Variants in FAM83G observed in about 807,000 individuals in gnomAD.
FAM83G encodes the protein protein FAM83G.
FAM83G carries 38 observed loss-of-function variants against 61.5 expected under a neutral mutation model. The ratio of observed to expected loss-of-function variants is 0.62; its 90% CI spans 0.48 to 0.81. FAM83G has a LOEUF of 0.81. Ranked by LOEUF, FAM83G falls within the 30% of genes least tolerant of loss-of-function variation. FAM83G has a pLI of 0.00. For synonymous variants in FAM83G, 470 were observed against 476.1 expected, an observed-to-expected ratio of 0.99 and a Z score of 0.17; for missense variants, 989 against 1,133.6, an observed-to-expected ratio of 0.87 and a Z score of 1.83.
In FAM83G at chr17:18,978,900, C is replaced by T. The variant is rs199927443; in HGVS notation, c.816-50G>A. ...GTCAGGCACATGACCCTGCTTCCTC[C>T]GCCCAGCCCCCGTGCACCCATAGCC... On this transcript the variant is annotated intron_variant, in intron 4 of 5. Coordinates refer to ENST00000388995, the MANE Select transcript of FAM83G (RefSeq NM_001039999.3). 5.1e-3 allele frequency: 8,176 copies of T among 1,590,806 alleles called. 30 individuals are homozygous for T. The highest frequency in any genetic ancestry group is 6.4e-3 in the Non-Finnish European group (7,418 of 1,166,442).
intron 2 of FAM83G, among the ~76,000 whole-genome samples, chr17:18,999,424 G>T (rs1485589601): frequency 1.3e-5 from 2 of 152,222 alleles, no homozygotes. Flanking sequence ...CTCAGGGCCT[G>T]CAGACTGGGG....
At chr17:18,987,397 T>C (rs79909463) in intron 3 of FAM83G, among the ~76,000 whole-genome samples, 3,648 of 152,304 alleles carry the variant, frequency 0.024, 145 homozygotes, top group African/African-American at 0.083. Context: ...GCACGGCCAA[T>C]GCAAGAGAAG....
At position 19,004,246 on chromosome 17, in the gene FAM83G, G is replaced by C; in HGVS notation, c.-128-77C>G. On this transcript the variant is annotated intron_variant, in intron 1 of 5. Transcript: ENST00000388995. The surrounding 1 kb of genome is among the most constrained non-coding windows in gnomAD (Gnocchi z 5.4). ...GGGAGGGGCGGCGGGGGCGGGGCCG[G>C]GAACTCAGGTGGGCGTGGGAAGGAC... is the stretch of plus-strand genomic sequence containing the variant. 1 of 540,152 alleles carries C rather than the reference G, an allele frequency of 1.9e-6. No individual in the cohort carries two copies. Among genetic ancestry groups the C allele is most frequent in the Middle Eastern group, 4.8e-4 (1 of 2,066 alleles). 33.5% of individuals were successfully genotyped at this position (540,152 alleles called of 1,614,324 possible). A position where few individuals can be genotyped will look rare whatever the true frequency, so the allele number is the denominator to read the frequency against.
chr17:18,995,411 G>GT (rs1176105935), intron 2 of FAM83G, among the ~76,000 whole-genome samples: 1 of 152,202 alleles, frequency 6.6e-6, no homozygotes, highest in East Asian at 1.9e-4. Flanking sequence ...TTGAAGACAT[G>GT]TAAGTAGAAA....
chr17:18,994,073 T>C (rs1472401582), intron 2 of FAM83G, among the ~76,000 whole-genome samples: 1 of 152,190 alleles, frequency 6.6e-6, no homozygotes, highest in Non-Finnish European at 1.5e-5. Context: ...AAGTGACGCA[T>C]CAGGGCTGCT....
chr17:18,990,397 GC>G (rs2043385902), intron 2 of FAM83G, among the ~76,000 whole-genome samples: 1 of 152,202 alleles, frequency 6.6e-6, no homozygotes, highest in African/African-American at 2.4e-5. Context: ...AGCCTCTCCA[GC>G]CCCAGAATCT....
chr17:18,969,311 C>T lies in FAM83G; in HGVS notation c.*2048G>A. On this transcript the variant is annotated 3_prime_UTR_variant, in exon 6 of 6. Coordinates refer to ENST00000388995, the MANE Select transcript of FAM83G (RefSeq NM_001039999.3). ...GTGTCCCTCCTCCCTGGGGCCAGGG[C>T]CCCCTCCAGCAACCTTGCTTCCACT... The T allele has an allele frequency of 1.9e-6, 3 of 1,607,558 alleles. No homozygotes were observed. The highest frequency in any genetic ancestry group is 2.6e-6 in the Non-Finnish European group (3 of 1,176,100).
intron 5 of FAM83G, chr17:18,977,098 T>C (rs2042999823): frequency 6.8e-7 from 1 of 1,479,192 alleles, no homozygotes; most frequent in Non-Finnish European, 9.1e-7. Context: ...TGTGAACTGT[T>C]CCCCAACCTG....
intron 5 of FAM83G, among the ~76,000 whole-genome samples, chr17:18,975,129 C>T (rs934008791): frequency 6.6e-6 from 1 of 152,190 alleles, no homozygotes; most frequent in African/African-American, 2.4e-5. Context: ...TAGGGAAATG[C>T]TTCTCTCCCA....
In FAM83G at chr17:19,003,991, G is replaced by A; in HGVS notation, c.51C>T (p.Arg17=). 6.2e-7 allele frequency: 1 copy of A among 1,612,132 alleles called. No homozygotes were observed. The highest frequency in any genetic ancestry group is 8.5e-7 in the Non-Finnish European group (1 of 1,179,498). Residue 17 remains arginine (R), a synonymous_variant, in exon 2 of 6, where the codon CGC becomes CGT. Transcript: ENST00000388995. This position sits in a 1 kb window ranked among gnomAD's most constrained non-coding sequence, Gnocchi z 4.5. The part of the protein sequence containing the change: ...QCLDDNHVNW[R]SSESKPEFFY... Reference sequence around the variant, plus strand: ...AGAACTCAGGCTTGGACTCGCTGGAGCGCCAGTTCACATGGTTGTCGTCCA... The same window carrying A: ...AGAACTCAGGCTTGGACTCGCTGGAACGCCAGTTCACATGGTTGTCGTCCA...
chr17:18,984,204 T>C (rs1156345179), intron 3 of FAM83G, among the ~76,000 whole-genome samples: 1 of 151,406 alleles, frequency 6.6e-6, no homozygotes, highest in Admixed American at 6.6e-5. Context: ...TAGCCGGGCG[T>C]GGTGGCGGGC....
chr17:19,001,045 C>G (rs1260648218), intron 2 of FAM83G, among the ~76,000 whole-genome samples: 1 of 152,204 alleles, frequency 6.6e-6, no homozygotes, highest in Non-Finnish European at 1.5e-5. Flanking sequence ...GGTCCCCACC[C>G]CTCTACCCGA....
At chr17:18,984,859 C>T (rs1267381941) in intron 3 of FAM83G, among the ~76,000 whole-genome samples, 3 of 152,228 alleles carry the variant, frequency 2.0e-5, no homozygotes, top group Non-Finnish European at 1.5e-5. Context: ...TTGGGGTGGT[C>T]ATTCCCATAC....
At chr17:18,998,104 C>T (rs979515054) in intron 2 of FAM83G, among the ~76,000 whole-genome samples, 6 of 152,226 alleles carry the variant, frequency 3.9e-5, no homozygotes, top group Admixed American at 1.3e-4. Context: ...GCAAGGTACT[C>T]GAGCCCAGGG....
At chr17:18,981,166 C>T (rs1038728984) in intron 3 of FAM83G, among the ~76,000 whole-genome samples, 1 of 152,168 alleles carries the variant, frequency 6.6e-6, no homozygotes, top group Non-Finnish European at 1.5e-5. Context: ...AGCTGAATGC[C>T]CAGGATCGCA....
rs997422800 is a variant in FAM83G, at chr17:18,981,148, C to T, written c.691-1475G>A. ...GTGAAGGGGAGGCTGAGGGGGTAAA[C>T]GAAAACAAGCTGAATGCCCAGGATC... On this transcript the variant is annotated intron_variant, in intron 3 of 5. Coordinates refer to ENST00000388995, the MANE Select transcript of FAM83G (RefSeq NM_001039999.3). 7.2e-5 allele frequency among the ~76,000 whole-genome samples: 11 copies of T among 152,222 alleles called. No homozygotes were observed. The South Asian group carries it at 2.1e-3, about 29-fold the overall frequency.
In FAM83G at chr17:18,971,538, G is replaced by A. The variant is rs2042853620; in HGVS notation, c.2293C>T (p.Gln765Ter). ...LPDPGSPRLA[Q>*]NARPMTDGRA... is the part of the protein sequence containing the mutation. ...CCATCGGTCATGGGGCGGGCATTTTGGGCCAGTCTTGGGCTGCCGGGATCC... is the reference window on the plus strand; with the variant it reads ...CCATCGGTCATGGGGCGGGCATTTTAGGCCAGTCTTGGGCTGCCGGGATCC... Residue 765 changes from glutamine to a stop codon, truncating the protein, a stop_gained, in exon 6 of 6, where the codon CAA becomes TAA. Coordinates refer to ENST00000388995, the MANE Select transcript of FAM83G (RefSeq NM_001039999.3). LOFTEE classifies it high-confidence loss of function. This position sits in a 1 kb window ranked among gnomAD's most constrained non-coding sequence, Gnocchi z 5.5. 6.2e-7 allele frequency: 1 copy of A among 1,613,962 alleles called. No individual in the cohort carries two copies.
At position 18,978,293 on chromosome 17, in the gene FAM83G, T is replaced by C; in HGVS notation, c.1373A>G (p.Gln458Arg). The C allele has an allele frequency of 6.2e-7, 1 of 1,611,300 alleles. No homozygotes were observed. The highest frequency in any genetic ancestry group is 1.1e-5 in the South Asian group (1 of 90,872). Residue 458 changes from glutamine to arginine, a missense_variant, in exon 5 of 6, where the codon CAG becomes CGG. By Grantham distance (43) the Gln-to-Arg change is conservative. Coordinates refer to ENST00000388995, the MANE Select transcript of FAM83G (RefSeq NM_001039999.3). The stretch of plus-strand genomic sequence containing the variant: ...CTGGCTCTGCTTCCACAGCTGGTGC[T>C]GGGCGCTGGCCTGGGAGGTGTCACG... ...KIRDTSQASAQHQLWKQSQDS... is the reference protein window; with the variant it reads ...KIRDTSQASARHQLWKQSQDS...
chr17:18,977,735 G>A lies in FAM83G; in HGVS notation c.1931C>T (p.Pro644Leu). The A allele has an allele frequency of 6.2e-7, 1 of 1,607,860 alleles. No individual in the cohort carries two copies. Among genetic ancestry groups the A allele is most frequent in the Non-Finnish European group, 8.5e-7 (1 of 1,177,764 alleles). Reference sequence around the variant, plus strand: ...GGGGGCACTCAGCTGCCGGCGCGGTGGTGGGGTTGGCCCGTTGGCCACTTG... The same window carrying A: ...GGGGGCACTCAGCTGCCGGCGCGGTAGTGGGGTTGGCCCGTTGGCCACTTG... ...SEQVANGPTP[P>L]PRRQLSAPHI... Residue 644 changes from proline (P) to leucine (L), a missense_variant, in exon 5 of 6, where the codon CCA (proline) becomes CTA (leucine). By Grantham distance (98) the Pro-to-Leu change is moderately conservative. Transcript: ENST00000388995.
Sources: allele counts gnomAD v4.1 joint callset (sites outside exome capture counted in the v4.1 genomes callset), GRCh38; gene constraint gnomAD v4.1.1; non-coding constraint Gnocchi (gnomAD v3.1); transcripts MANE v1.5; gene names NCBI Gene and HGNC (gene_info 2026-07-23, HGNC 2026-07-21).